The following CHSY3 variants were observed in gnomAD, a reference collection of about 807,000 sequenced individuals.
CHSY3 encodes the protein chondroitin sulfate synthase 3, also known as N-acetylgalactosaminyl-proteoglycan 3-beta-glucuronosyltransferase 3.
Under a neutral mutation model 67.2 loss-of-function variants are expected in CHSY3, and 35 were observed. The observed-to-expected ratio is 0.52, with a 90% CI of 0.40 to 0.69. CHSY3 has a LOEUF of 0.69. Among genes scored for constraint, CHSY3 ranks in the 30% least tolerant of loss-of-function variants. The pLI is 0.00. For synonymous variants in CHSY3, 474 were observed against 434.7 expected, an observed-to-expected ratio of 1.09 and a Z score of -1.12; for missense variants, 1,069 against 1,138.5, an observed-to-expected ratio of 0.94 and a Z score of 0.88.
At chr5:129,961,099 A>T (rs1762316331) in intron 2 of CHSY3, among the ~76,000 whole-genome samples, 1 of 152,112 alleles carries the variant, frequency 6.6e-6, no homozygotes, top group Non-Finnish European at 1.5e-5. Context: ...GAGTTTTCAG[A>T]AAACGGGCAA....
At chr5:130,152,272 C>A (rs1317963238) in intron 2 of CHSY3, among the ~76,000 whole-genome samples, 1 of 152,172 alleles carries the variant, frequency 6.6e-6, no homozygotes, top group Non-Finnish European at 1.5e-5. Context: ...ACCTTGTGAC[C>A]ATAATCAAAA....
intron 2 of CHSY3, among the ~76,000 whole-genome samples, chr5:129,935,312 C>T (rs1761451929): frequency 6.6e-6 from 1 of 152,068 alleles, no homozygotes; most frequent in African/African-American, 2.4e-5. Context: ...AGATCAAAGA[C>T]GTTTTTTGTT....
intron 2 of CHSY3, among the ~76,000 whole-genome samples, chr5:130,055,075 G>A (rs1457327800): frequency 6.6e-6 from 1 of 152,158 alleles, no homozygotes; most frequent in African/African-American, 2.4e-5. Flanking sequence ...TGTGGGGAGT[G>A]TGTCTGGCTG....
At chr5:129,922,872 C>G (rs1016486017) in intron 2 of CHSY3, among the ~76,000 whole-genome samples, 1 of 152,112 alleles carries the variant, frequency 6.6e-6, no homozygotes. Context: ...TTGTCTAGAG[C>G]CGTGCCCATG....
chr5:129,929,475 C>T (rs1383030606), intron 2 of CHSY3, among the ~76,000 whole-genome samples: 2 of 151,970 alleles, frequency 1.3e-5, no homozygotes, highest in Non-Finnish European at 2.9e-5. Context: ...GGGACATGGG[C>T]ACACACATCA....
At chr5:129,912,554 G>A (rs889344627) in intron 2 of CHSY3, among the ~76,000 whole-genome samples, 5 of 152,094 alleles carry the variant, frequency 3.3e-5, no homozygotes, top group African/African-American at 1.2e-4. Flanking sequence ...TGTCTTCTCT[G>A]CTCACTTTTT....
chr5:129,971,042 A>G lies in CHSY3; in HGVS notation c.1086+62682A>G, dbSNP rs192563836. Among the ~76,000 whole-genome samples, 3 of 151,968 alleles carry G rather than the reference A, an allele frequency of 2.0e-5. No homozygotes were observed. The East Asian group carries it at 5.8e-4, about 29-fold the overall frequency. On this transcript the variant is annotated intron_variant, in intron 2 of 2. Coordinates refer to ENST00000305031, the MANE Select transcript of CHSY3 (RefSeq NM_175856.5). ...TGCTCAGCACATTCCTTGGTGTTCT[A>G]TTTAAAAATATGTGAAACTATTTAG...
chr5:129,989,729 C>A (rs971692015), intron 2 of CHSY3, among the ~76,000 whole-genome samples: 12 of 152,282 alleles, frequency 7.9e-5, no homozygotes, highest in African/African-American at 2.9e-4. Flanking sequence ...TATTTAACTT[C>A]TTGATGCCTC....
intron 2 of CHSY3, among the ~76,000 whole-genome samples, chr5:129,943,808 A>G (rs1761766915): frequency 6.6e-6 from 1 of 152,234 alleles, no homozygotes; most frequent in South Asian, 2.1e-4. Context: ...ATAGATTATA[A>G]TGATGAGCAT....
chr5:130,029,891 A>G (rs1417785164), intron 2 of CHSY3, among the ~76,000 whole-genome samples: 1 of 152,150 alleles, frequency 6.6e-6, no homozygotes, highest in African/African-American at 2.4e-5. Flanking sequence ...AAGACTTCTT[A>G]TATTCAACAA....
chr5:130,160,800 G>A (rs1769508418), intron 2 of CHSY3, among the ~76,000 whole-genome samples: 1 of 152,232 alleles, frequency 6.6e-6, no homozygotes, highest in Admixed American at 6.5e-5. Flanking sequence ...CAGTAAAGGG[G>A]TTTCACTACA....
At chr5:130,011,778 A>C (rs929604450) in intron 2 of CHSY3, among the ~76,000 whole-genome samples, 6 of 152,244 alleles carry the variant, frequency 3.9e-5, no homozygotes, top group African/African-American at 7.2e-5. Context: ...CTCAGGATAC[A>C]AAAGCAATGT....
chr5:130,162,988 T>C (rs1160722979), intron 2 of CHSY3, among the ~76,000 whole-genome samples: 1 of 152,060 alleles, frequency 6.6e-6, no homozygotes, highest in Non-Finnish European at 1.5e-5. Flanking sequence ...TTTCAATCAG[T>C]GCAACTTGTG....
chr5:129,923,636 G>A (rs1299747718), intron 2 of CHSY3, among the ~76,000 whole-genome samples: 1 of 152,128 alleles, frequency 6.6e-6, no homozygotes, highest in Non-Finnish European at 1.5e-5. Flanking sequence ...GATGTCTGAG[G>A]GAGAAGCTTT....
chr5:129,994,688 A>T lies in CHSY3; in HGVS notation c.1086+86328A>T, dbSNP rs546005689. Among the ~76,000 whole-genome samples, 7 of 152,284 alleles carry T rather than the reference A, an allele frequency of 4.6e-5. No individual in the cohort carries two copies. The South Asian group carries it at 1.5e-3, about 32-fold the overall frequency. On this transcript the variant is annotated intron_variant, in intron 2 of 2. Transcript: ENST00000305031. The stretch of plus-strand genomic sequence containing the variant: ...ATAGACTGGTTTAAGAAAATGTGGC[A>T]CATATATACCATGGAATACTATGCA...
intron 2 of CHSY3, among the ~76,000 whole-genome samples, chr5:130,038,257 T>C (rs1764913652): frequency 6.6e-6 from 1 of 152,064 alleles, no homozygotes; most frequent in South Asian, 2.1e-4. Flanking sequence ...CTGAAAAAGA[T>C]TGAGGGACAG....
At chr5:130,104,250 A>G (rs1767345683) in intron 2 of CHSY3, among the ~76,000 whole-genome samples, 1 of 151,910 alleles carries the variant, frequency 6.6e-6, no homozygotes, top group Non-Finnish European at 1.5e-5. Context: ...TTCTCAGAGG[A>G]TTAAAATTAA....
chr5:130,001,626 T>C (rs1289183556), intron 2 of CHSY3: 4 of 860,272 alleles, frequency 4.6e-6, no homozygotes, highest in Non-Finnish European at 5.6e-6. Flanking sequence ...GTGTTGTTGC[T>C]TCTAGTTAAG....
At chr5:130,177,188 A>AAT (rs3065095) in intron 2 of CHSY3, among the ~76,000 whole-genome samples, 120,235 of 147,370 alleles carry the variant, frequency 0.82, 49,508 homozygotes, top group Middle Eastern at 0.91. Context: ...TATATATATG[A>AAT]ATATATATAT....
Sources: gnomAD v4.1 joint callset for allele counts (sites outside exome capture counted in the v4.1 genomes callset) on GRCh38, gnomAD v4.1.1 for gene constraint, MANE v1.5 for transcripts, NCBI Gene and HGNC (gene_info 2026-07-23, HGNC 2026-07-21) for gene names.